Variants in RAVER1 observed in about 807,000 individuals in gnomAD.
RAVER1 encodes the protein ribonucleoprotein PTB-binding 1.
In RAVER1, 36 loss-of-function variants were observed where a neutral mutation model predicts 68.4. That is an observed-to-expected ratio of 0.53 (90% confidence interval 0.40 to 0.70). The LOEUF is 0.70. Ranked by LOEUF, RAVER1 falls within the 30% of genes least tolerant of loss-of-function variation. The pLI is 0.00. For missense variants in RAVER1, 933 were observed against 1,019.8 expected (o/e 0.91, Z 1.16); for synonymous variants, 469 against 472.7 (o/e 0.99, Z 0.10).
rs2040448326 is a variant in RAVER1, at chr19:10,322,850, C to CG, written c.1079-112dup. The CG allele has an allele frequency of 1.7e-6, 1 of 603,416 alleles. No homozygotes were observed. The highest frequency in any genetic ancestry group is 2.7e-6 in the Non-Finnish European group (1 of 364,112). The allele number at this position is 603,416 out of a possible 1,614,324, so 37.4% of individuals were successfully genotyped here. On this transcript the variant is annotated intron_variant, in intron 5 of 12. Transcript: ENST00000617231. This position sits in a 1 kb window ranked among gnomAD's most constrained non-coding sequence, Gnocchi z 4.3. The stretch of plus-strand genomic sequence containing the variant: ...GGGCAGGAAACTGACACTCTGGGGC[C>CG]GGGGGGTGGGCAGTGGACTTGCCCA...
chr19:10,319,097 TAA>T, intron 10 of RAVER1, 67 bp downstream of exon 10: 1 of 1,428,968 alleles, frequency 7.0e-7, no homozygotes. Flanking sequence ...TCCAGGCTAC[TAA>T]GTCATGGCAC....
chr19:10,320,544 C>T (rs1290530147), intron 9 of RAVER1, 111 bp downstream of exon 9: 1 of 896,372 alleles, frequency 1.1e-6, no homozygotes, highest in East Asian at 3.2e-5. Flanking sequence ...ATATCTGGCA[C>T]GTTCCCTGCC....
Position 10,318,317 on chromosome 19 carries a change from C to T in RAVER1, c.1901G>A (p.Gly634Asp). The T allele has an allele frequency of 6.3e-7, 1 of 1,598,280 alleles. No individual in the cohort carries two copies. The change falls in exon 11 of 13, where the codon GGC becomes GAC. Residue 634 changes from glycine (G) to aspartate (D), a missense_variant. Physicochemically the swap from Gly to Asp is moderately conservative, Grantham distance 94. This residue lies in a region of RAVER1 where 699 missense variants were observed against 731.1 expected (regional missense o/e 0.96). Transcript: ENST00000617231. Reference sequence around the variant, plus strand: ...GCCTGAATAGAAGTGAGACAGGGGGCCCCCGCCACTCCCACCGCTGCTCCG... The same window carrying T: ...GCCTGAATAGAAGTGAGACAGGGGGTCCCCGCCACTCCCACCGCTGCTCCG... ...GERSSGGSGG[G>D]PLSHFYSGSP...
rs2040406024 is a variant in RAVER1, at chr19:10,317,993, A to T, written c.1990-220T>A. On this transcript the variant is annotated intron_variant, in intron 11 of 12. Transcript: ENST00000617231. This position sits in a 1 kb window ranked among gnomAD's most constrained non-coding sequence, Gnocchi z 4.3. ...GTCAGATGGGGCCAGTAGCACCCAC[A>T]GCCTGGGCTGTAGAGAGAGGAAGTG... Among the ~76,000 whole-genome samples the T allele has an allele frequency of 6.6e-6, 1 of 152,222 alleles. No individual in the cohort carries two copies. The highest frequency in any genetic ancestry group is 1.5e-5 in the Non-Finnish European group (1 of 68,040).
intron 9 of RAVER1, 28 bp from the exon 10 acceptor site, chr19:10,319,268 G>A (rs1463564764): frequency 6.2e-7 from 1 of 1,609,722 alleles, no homozygotes; most frequent in South Asian, 1.1e-5. Flanking sequence ...AAGCACATTG[G>A]GTTGGAGTCT....
At position 10,319,279 on chromosome 19, in the gene RAVER1, G is replaced by A. The variant is rs755971827; in HGVS notation, c.1771-39C>T. 3 of 1,592,980 alleles carry A rather than the reference G, an allele frequency of 1.9e-6. No individual in the cohort carries two copies. In the Admixed American group the frequency reaches 5.0e-5, roughly 27 times the overall value. On this transcript the variant is annotated intron_variant, in intron 9 of 12. Transcript: ENST00000617231. Reference sequence around the variant, plus strand: ...GGAGAAGCACATTGGGTTGGAGTCTGTCCCAGCCTCACCCCTGGCTGAACT... The same window carrying A: ...GGAGAAGCACATTGGGTTGGAGTCTATCCCAGCCTCACCCCTGGCTGAACT...
Position 10,328,205 on chromosome 19 carries a change from T to C in RAVER1, c.756+437A>G, listed in dbSNP as rs1010356742. Among the ~76,000 whole-genome samples, 1 of 152,218 alleles carries C rather than the reference T, an allele frequency of 6.6e-6. No homozygotes were observed. Among genetic ancestry groups the C allele is most frequent in the African/African-American group, 2.4e-5 (1 of 41,546 alleles). On this transcript the variant is annotated intron_variant, in intron 3 of 12. Coordinates refer to ENST00000617231, the MANE Select transcript of RAVER1 (RefSeq NM_133452.3). This position sits in a 1 kb window ranked among gnomAD's most constrained non-coding sequence, Gnocchi z 4.4. ...AGTGGTGAGCAAGCCTCGAGATCCATAGTTACAAGAGTGGCCTTGCATGCA... is the reference window on the plus strand; with the variant it reads ...AGTGGTGAGCAAGCCTCGAGATCCACAGTTACAAGAGTGGCCTTGCATGCA...
At chr19:10,327,696 A>ATCC (rs1158320551) in intron 3 of RAVER1, among the ~76,000 whole-genome samples, 1 of 152,150 alleles carries the variant, frequency 6.6e-6, no homozygotes, top group African/African-American at 2.4e-5. Context: ...GTGCCTTGGT[A>ATCC]TCCTCACCTG....
chr19:10,318,313 G>A lies in RAVER1; in HGVS notation c.1905C>T (p.Pro635=), dbSNP rs779183860. Residue 635 remains proline, a synonymous_variant, in exon 11 of 13, where the codon CCC becomes CCT. Coordinates refer to ENST00000617231, the MANE Select transcript of RAVER1 (RefSeq NM_133452.3). ...GCGAGCCTGAATAGAAGTGAGACAG[G>A]GGGCCCCCGCCACTCCCACCGCTGC... The part of the protein sequence containing the change: ...ERSSGGSGGG[P]LSHFYSGSPT... The A allele has an allele frequency of 2.6e-4, 419 of 1,593,146 alleles. No individual in the cohort carries two copies. Among genetic ancestry groups the A allele is most frequent in the Middle Eastern group, 3.3e-4 (2 of 6,002 alleles).
chr19:10,326,538 G>C (rs761700161), intron 3 of RAVER1, among the ~76,000 whole-genome samples: 8 of 152,162 alleles, frequency 5.3e-5, no homozygotes, highest in Admixed American at 1.3e-4. Flanking sequence ...GCAGTCTTCT[G>C]GGTTCAAGCA....
In RAVER1 at chr19:10,322,853, G is replaced by T. The variant is rs920515515; in HGVS notation, c.1079-114C>A. 3.2e-6 allele frequency: 2 copies of T among 617,374 alleles called. No homozygotes were observed. Among genetic ancestry groups the T allele is most frequent in the Admixed American group, 7.2e-5 (2 of 27,956 alleles). The allele number at this position is 617,374 out of a possible 1,614,324, so 38.2% of individuals were successfully genotyped here. On this transcript the variant is annotated intron_variant, in intron 5 of 12. Transcript: ENST00000617231. This position sits in a 1 kb window ranked among gnomAD's most constrained non-coding sequence, Gnocchi z 4.3. ...CAGGAAACTGACACTCTGGGGCCGGGGGGTGGGCAGTGGACTTGCCCAAAG... is the reference window on the plus strand; with the variant it reads ...CAGGAAACTGACACTCTGGGGCCGGTGGGTGGGCAGTGGACTTGCCCAAAG...
Position 10,323,698 on chromosome 19 carries a change from C to T in RAVER1, c.757-132G>A. On this transcript the variant is annotated intron_variant, in intron 3 of 12. Transcript: ENST00000617231. This position sits in a 1 kb window ranked among gnomAD's most constrained non-coding sequence, Gnocchi z 6.2. The stretch of plus-strand genomic sequence containing the variant: ...CACGCCAGGCCTCCACTGCCCTGTG[C>T]CTCATTCCTGCATCAGCTCATCTGA... The T allele has an allele frequency of 2.3e-6, 2 of 877,086 alleles. No homozygotes were observed. The highest frequency in any genetic ancestry group is 2.7e-5 in the East Asian group (1 of 37,398). The allele number at this position is 877,086 out of a possible 1,614,324, so 54.3% of individuals were successfully genotyped here. A position where few individuals can be genotyped will look rare whatever the true frequency, so the allele number is the denominator to read the frequency against.
chr19:10,324,457 G>A (rs1006784802), intron 3 of RAVER1, among the ~76,000 whole-genome samples: 4 of 152,226 alleles, frequency 2.6e-5, no homozygotes, highest in African/African-American at 9.6e-5. Flanking sequence ...TTAGCTTACC[G>A]TAACCTCCAC....
In RAVER1 at chr19:10,317,843, G is replaced by A; in HGVS notation, c.1990-70C>T. The A allele has an allele frequency of 1.1e-6, 1 of 873,658 alleles. No homozygotes were observed. The allele number at this position is 873,658 out of a possible 1,614,324, so 54.1% of individuals were successfully genotyped here. On this transcript the variant is annotated intron_variant, in intron 11 of 12. Coordinates refer to ENST00000617231, the MANE Select transcript of RAVER1 (RefSeq NM_133452.3). The surrounding 1 kb of genome is among the most constrained non-coding windows in gnomAD (Gnocchi z 4.3). Reference sequence around the variant, plus strand: ...GAGGAAGCACCCACCCCGCCCCCCTGCCACTGCCCCCCAGCCCTGAGGGAA... The same window carrying A: ...GAGGAAGCACCCACCCCGCCCCCCTACCACTGCCCCCCAGCCCTGAGGGAA...
chr19:10,330,427 C>G (rs2040505849), intron 2 of RAVER1, 33 bp downstream of exon 2: 1 of 1,105,658 alleles, frequency 9.0e-7, no homozygotes, highest in South Asian at 1.3e-5. Context: ...GATGGTCACT[C>G]CCTGCCCTGG....
Position 10,317,895 on chromosome 19 carries a change from G to GCTTC in RAVER1, c.1990-126_1990-123dup, listed in dbSNP as rs1357658941. On this transcript the variant is annotated intron_variant, in intron 11 of 12. Transcript: ENST00000617231. This position sits in a 1 kb window ranked among gnomAD's most constrained non-coding sequence, Gnocchi z 4.3. Reference sequence around the variant, plus strand: ...GCGAACAGTTTCAGGTTCAAATCTTGCTTCTGCTACTTTCTAGCTATAAGA... The same window carrying GCTTC: ...GCGAACAGTTTCAGGTTCAAATCTTGCTTCCTTCTGCTACTTTCTAGCTATAAGA... 4.0e-4 allele frequency: 275 copies of GCTTC among 691,958 alleles called. 2 individuals are homozygous for GCTTC. Among genetic ancestry groups the GCTTC allele is most frequent in the Non-Finnish European group, 2.6e-5 (10 of 387,746 alleles). The allele number at this position is 691,958 out of a possible 1,614,324, so 42.9% of individuals were successfully genotyped here.
Position 10,317,767 on chromosome 19 carries a change from C to A in RAVER1, c.1996G>T (p.Gly666Cys). ...LKQSHLSKAI[G>C]SSPLGSGEGL... ...TCTCCGGACCCCAGCGGGGAAGAGCCGATTGCCTGGGAGAAATGGAGAGGT... is the reference window on the plus strand; with the variant it reads ...TCTCCGGACCCCAGCGGGGAAGAGCAGATTGCCTGGGAGAAATGGAGAGGT... The change falls in exon 12 of 13, where the codon GGC becomes TGC. Residue 666 changes from glycine (G) to cysteine (C), a missense_variant. This residue lies in a region of RAVER1 where 699 missense variants were observed against 731.1 expected (regional missense o/e 0.96). Coordinates refer to ENST00000617231, the MANE Select transcript of RAVER1 (RefSeq NM_133452.3). This position sits in a 1 kb window ranked among gnomAD's most constrained non-coding sequence, Gnocchi z 4.3. 2 of 1,581,418 alleles carry A rather than the reference C, an allele frequency of 1.3e-6. No individual in the cohort carries two copies. The highest frequency in any genetic ancestry group is 8.6e-7 in the Non-Finnish European group (1 of 1,161,818).
intron 1 of RAVER1, among the ~76,000 whole-genome samples, chr19:10,330,812 C>G (rs1427321014): frequency 6.6e-6 from 1 of 152,176 alleles, no homozygotes; most frequent in Non-Finnish European, 1.5e-5. Context: ...GCTTATAATC[C>G]CAGCATTTTG....
At position 10,328,099 on chromosome 19, in the gene RAVER1, C is replaced by T. The variant is rs2040487893; in HGVS notation, c.756+543G>A. ...TCAAGGCTCAAATAGACTGTGGGCTCCTCTGCAGCCTCCTCAATGCCTGGT... is the reference window on the plus strand; with the variant it reads ...TCAAGGCTCAAATAGACTGTGGGCTTCTCTGCAGCCTCCTCAATGCCTGGT... On this transcript the variant is annotated intron_variant, in intron 3 of 12. Coordinates refer to ENST00000617231, the MANE Select transcript of RAVER1 (RefSeq NM_133452.3). The surrounding 1 kb of genome is among the most constrained non-coding windows in gnomAD (Gnocchi z 4.4). Among the ~76,000 whole-genome samples, 2 of 152,154 alleles carry T rather than the reference C, an allele frequency of 1.3e-5. No individual in the cohort carries two copies. Among genetic ancestry groups the T allele is most frequent in the South Asian group, 4.1e-4 (2 of 4,830 alleles).
Sources: allele counts gnomAD v4.1 joint callset (sites outside exome capture counted in the v4.1 genomes callset), GRCh38; gene constraint gnomAD v4.1.1; regional missense constraint gnomAD v4.1.1; non-coding constraint Gnocchi (gnomAD v3.1); transcripts MANE v1.5; gene names NCBI Gene and HGNC (gene_info 2026-07-23, HGNC 2026-07-21).